The following RPS6KC1 variants were observed in gnomAD, a reference collection of about 807,000 sequenced individuals.
RPS6KC1 encodes the protein inactive ribosomal protein S6 kinase delta-1.
Under a neutral mutation model 103.8 loss-of-function variants are expected in RPS6KC1, and 54 were observed. That is an observed-to-expected ratio of 0.52 (90% CI 0.42 to 0.65). RPS6KC1 has a LOEUF of 0.65. Ranked by LOEUF, RPS6KC1 falls within the 30% of genes least tolerant of loss-of-function variation. The probability of loss-of-function intolerance (pLI) is 0.00; values close to 1 mark genes in which losing one functional copy is unlikely to be tolerated. For missense variants in RPS6KC1, 1,151 were observed against 1,253.8 expected (o/e 0.92, Z 1.24); for synonymous variants, 439 against 438.7 (o/e 1.00, Z -0.01).
the RPS6KC1 span, among the ~76,000 whole-genome samples, chr1:213,609,814 TA>T: frequency 4.1e-5 from 6 of 146,420 alleles, no homozygotes; most frequent in African/African-American, 1.5e-4. Flanking sequence ...TGCACCAACC[TA>T]ATAAATTACA....
chr1:213,634,194 T>A, the RPS6KC1 span, among the ~76,000 whole-genome samples: 1 of 152,046 alleles, frequency 6.6e-6, no homozygotes, highest in African/African-American at 2.4e-5. Context: ...AACAAGGATA[T>A]CCAGGACTTG....
At chr1:213,393,763 G>A in the RPS6KC1 span, among the ~76,000 whole-genome samples, 2 of 152,174 alleles carry the variant, frequency 1.3e-5, no homozygotes, top group East Asian at 1.9e-4. Context: ...ATGGGATTGA[G>A]TAAGGGCAGA....
the RPS6KC1 span, among the ~76,000 whole-genome samples, chr1:213,515,746 G>GT: frequency 5.3e-5 from 8 of 152,284 alleles, no homozygotes; most frequent in East Asian, 5.8e-4. Flanking sequence ...CTTTAAAGTA[G>GT]TTTTTTTCAA....
At chr1:213,834,410 C>T in the RPS6KC1 span, among the ~76,000 whole-genome samples, 2 of 152,256 alleles carry the variant, frequency 1.3e-5, no homozygotes, top group East Asian at 1.9e-4. Flanking sequence ...AACTGGTCCA[C>T]ATAGGAGCAT....
the RPS6KC1 span, among the ~76,000 whole-genome samples, chr1:213,499,705 T>G: frequency 1.3e-5 from 2 of 151,424 alleles, no homozygotes; most frequent in Non-Finnish European, 2.9e-5. Flanking sequence ...GCCAGTGTGC[T>G]TACACAAACC....
chr1:213,470,611 ATTTTTTTT>A, the RPS6KC1 span, among the ~76,000 whole-genome samples: 22 of 99,806 alleles, frequency 2.2e-4, no homozygotes, highest in East Asian at 2.6e-4. Flanking sequence ...TTTATTCTTA[ATTTTTTTT>A]TTTTTTTTTT....
chr1:213,626,926 T>C, the RPS6KC1 span, among the ~76,000 whole-genome samples: 1 of 152,328 alleles, frequency 6.6e-6, no homozygotes, highest in Non-Finnish European at 1.5e-5. Flanking sequence ...TTTGGTTCCA[T>C]ATGAACTTTA....
the RPS6KC1 span, among the ~76,000 whole-genome samples, chr1:213,817,477 C>T: frequency 6.6e-6 from 1 of 152,228 alleles, no homozygotes; most frequent in Admixed American, 6.5e-5. Context: ...AATTATTTCC[C>T]TTCCTAATTG....
At chr1:213,283,720 A>G in the RPS6KC1 span, among the ~76,000 whole-genome samples, 68,866 of 151,962 alleles carry the variant, frequency 0.45, 18,773 homozygotes, top group East Asian at 0.66. Context: ...TGCTTAGGAG[A>G]GATTGCTGGG....
the RPS6KC1 span, among the ~76,000 whole-genome samples, chr1:213,771,362 C>T: frequency 3.9e-5 from 6 of 152,074 alleles, no homozygotes; most frequent in Admixed American, 6.5e-5. Context: ...AGGTAGGAAA[C>T]GGATGACAGA....
chr1:213,862,019 C>T, the RPS6KC1 span, among the ~76,000 whole-genome samples: 1 of 152,126 alleles, frequency 6.6e-6, no homozygotes, highest in Non-Finnish European at 1.5e-5. Context: ...GAGCAGGGGT[C>T]CTGCGGCTAG....
chr1:213,769,132 A>C, the RPS6KC1 span, among the ~76,000 whole-genome samples: 1 of 152,198 alleles, frequency 6.6e-6, no homozygotes, highest in African/African-American at 2.4e-5. Context: ...GTGGGAGTGC[A>C]TTTAAGTAGC....
chr1:213,338,604 G>A, the RPS6KC1 span, among the ~76,000 whole-genome samples: 1 of 152,144 alleles, frequency 6.6e-6, no homozygotes, highest in Non-Finnish European at 1.5e-5. Context: ...TAGATTGGAG[G>A]TAAACGTGAT....
intron 6 of RPS6KC1, among the ~76,000 whole-genome samples, chr1:213,130,424 G>A (rs976202989): frequency 1.3e-5 from 2 of 152,130 alleles, no homozygotes; most frequent in African/African-American, 4.8e-5. Flanking sequence ...CTTTTTTGAA[G>A]TATCAGCTAT....
chr1:213,347,773 A>G, the RPS6KC1 span, among the ~76,000 whole-genome samples: 1 of 152,290 alleles, frequency 6.6e-6, no homozygotes, highest in South Asian at 2.1e-4. Flanking sequence ...AAATCAACAG[A>G]AGAAAAATGA....
the RPS6KC1 span, among the ~76,000 whole-genome samples, chr1:213,756,710 G>A: frequency 1.3e-5 from 2 of 151,932 alleles, no homozygotes; most frequent in Non-Finnish European, 2.9e-5. Flanking sequence ...CTCACCCTCT[G>A]GGCTCAAGCG....
the RPS6KC1 span, among the ~76,000 whole-genome samples, chr1:213,538,057 G>A: frequency 6.6e-6 from 1 of 152,096 alleles, no homozygotes; most frequent in African/African-American, 2.4e-5. Context: ...GGAGGGACTG[G>A]AACTCCCAGG....
At chr1:213,755,054 T>G in the RPS6KC1 span, among the ~76,000 whole-genome samples, 1 of 152,138 alleles carries the variant, frequency 6.6e-6, no homozygotes, top group Admixed American at 6.5e-5. Flanking sequence ...TCCTTACACT[T>G]AAGGTGATAG....
In RPS6KC1 at chr1:213,272,631, A is replaced by G; in HGVS notation, c.3198A>G (p.Arg1066=). 1.2e-6 allele frequency: 2 copies of G among 1,603,492 alleles called. No homozygotes were observed. The highest frequency in any genetic ancestry group is 1.7e-6 in the Non-Finnish European group (2 of 1,170,520). The change falls in exon 15 of 15, where the codon AGA becomes AGG. Residue 1066 remains arginine, a synonymous_variant. Transcript: ENST00000366960. ...FTPVDWAELM[R] ...CTGTGGATTGGGCAGAACTGATGAG[A>G]TGAACGTAATGCAGGGTTATCTTCA...
Sources: allele counts gnomAD v4.1 joint callset (sites outside exome capture counted in the v4.1 genomes callset), GRCh38; gene constraint gnomAD v4.1.1; transcripts MANE v1.5; gene names NCBI Gene and HGNC (gene_info 2026-07-23, HGNC 2026-07-21).